CUX2: variants seen among roughly 807,000 people sequenced by gnomAD.
CUX2 encodes homeobox protein cut-like 2.
CUX2 carries 40 observed loss-of-function variants against 144.8 expected under a neutral mutation model. That is an observed-to-expected ratio of 0.28 (90% CI 0.21 to 0.36). CUX2 has a LOEUF of 0.36. Ranked by LOEUF, CUX2 falls within the 10% of genes least tolerant of loss-of-function variation. CUX2 has a pLI of 1.00. For synonymous variants in CUX2, 827 were observed against 875.6 expected (o/e 0.94, Z 0.98); for missense variants, 1,615 against 1,994.0 (o/e 0.81, Z 3.62).
chr12:111,321,678 T>TC (rs1452875610), intron 17 of CUX2, among the ~76,000 whole-genome samples: 17 of 151,674 alleles, frequency 1.1e-4, no homozygotes, highest in Middle Eastern at 6.8e-3. Flanking sequence ...CAAGACCTCA[T>TC]CCCCCCAAAA....
intron 14 of CUX2, 108 bp from the exon 15 acceptor site, chr12:111,309,933 G>T: frequency 1.0e-6 from 1 of 981,764 alleles, no homozygotes; most frequent in Non-Finnish European, 1.3e-6. Context: ...CTTTCTCGTT[G>T]TCTCTCTCTG....
intron 1 of CUX2, among the ~76,000 whole-genome samples, chr12:111,107,869 T>C (rs764268327): frequency 1.3e-5 from 2 of 152,176 alleles, no homozygotes; most frequent in African/African-American, 2.4e-5. Flanking sequence ...ATTCCCTGAA[T>C]GCTGACATCC....
chr12:111,053,876 T>A (rs1870395294), intron 1 of CUX2, among the ~76,000 whole-genome samples: 1 of 152,136 alleles, frequency 6.6e-6, no homozygotes, highest in African/African-American at 2.4e-5. Flanking sequence ...AACTCAGAGC[T>A]GGGCGCAGTG....
chr12:111,181,849 C>T (rs1879197738), intron 1 of CUX2, among the ~76,000 whole-genome samples: 1 of 152,218 alleles, frequency 6.6e-6, no homozygotes, highest in Non-Finnish European at 1.5e-5. Flanking sequence ...AAACTATCTG[C>T]ATCCTCACTC....
At chr12:111,140,988 A>G (rs1269691631) in intron 1 of CUX2, among the ~76,000 whole-genome samples, 1 of 152,072 alleles carries the variant, frequency 6.6e-6, no homozygotes, top group Non-Finnish European at 1.5e-5. Flanking sequence ...GATTGAGAGG[A>G]GATGGCACGT....
chr12:111,034,902 C>A lies in CUX2; in HGVS notation c.63+662C>A, dbSNP rs1592837794. ...CCAGAGCCGCCGCCGCCGGACTGGC[C>A]GCAAGCGCCGGCAGACCTCTTCTCC... On this transcript the variant is annotated intron_variant, in intron 1 of 21. Coordinates refer to ENST00000261726, the MANE Select transcript of CUX2 (RefSeq NM_015267.4). The surrounding 1 kb of genome is among the most constrained non-coding windows in gnomAD (Gnocchi z 4.2). Among the ~76,000 whole-genome samples the A allele has an allele frequency of 6.6e-6, 1 of 151,074 alleles. No individual in the cohort carries two copies.
chr12:111,324,065 T>C (rs963013446), intron 18 of CUX2, among the ~76,000 whole-genome samples: 1 of 151,516 alleles, frequency 6.6e-6, no homozygotes, highest in South Asian at 2.1e-4. Flanking sequence ...AAATGAAATG[T>C]ATAGGCCGGG....
chr12:111,330,263 T>C (rs953440453), intron 18 of CUX2, among the ~76,000 whole-genome samples: 1 of 152,086 alleles, frequency 6.6e-6, no homozygotes, highest in African/African-American at 2.4e-5. Flanking sequence ...TGGCTGAAAT[T>C]ACTCCATAGG....
intron 1 of CUX2, among the ~76,000 whole-genome samples, chr12:111,036,643 G>A (rs1322013002): frequency 6.6e-6 from 1 of 151,156 alleles, no homozygotes; most frequent in Non-Finnish European, 1.5e-5. Context: ...GGGGGGGGTT[G>A]TTCGTTAAAA....
chr12:111,315,830 G>A (rs1887158353), intron 16 of CUX2, among the ~76,000 whole-genome samples: 1 of 151,900 alleles, frequency 6.6e-6, no homozygotes, highest in Admixed American at 6.6e-5. Flanking sequence ...GACTAGCCTG[G>A]GCAACATACC....
At chr12:111,177,472 C>T (rs540976501) in intron 1 of CUX2, among the ~76,000 whole-genome samples, 124 of 152,270 alleles carry the variant, frequency 8.1e-4, no homozygotes, top group Middle Eastern at 6.8e-3. Context: ...CTCACTGCAG[C>T]CTCTACCTTC....
chr12:111,045,983 G>GCTCCA (rs1869977044), intron 1 of CUX2, among the ~76,000 whole-genome samples: 1 of 152,194 alleles, frequency 6.6e-6, no homozygotes, highest in Admixed American at 6.5e-5. Flanking sequence ...GCTCAGTGGT[G>GCTCCA]CCCAAATCTG....
chr12:111,100,202 T>G (rs986246188), intron 1 of CUX2: 18 of 377,200 alleles, frequency 4.8e-5, no homozygotes, highest in Non-Finnish European at 8.9e-5. Context: ...TGTGTGTGTG[T>G]ATGTGTGTGT....
chr12:111,098,069 C>T (rs1348508582), intron 1 of CUX2, among the ~76,000 whole-genome samples: 1 of 152,160 alleles, frequency 6.6e-6, no homozygotes, highest in East Asian at 1.9e-4. Context: ...GCAAAGAAGT[C>T]TCAGGCCACC....
intron 5 of CUX2, among the ~76,000 whole-genome samples, chr12:111,292,951 C>T (rs1885768678): frequency 6.6e-6 from 1 of 152,048 alleles, no homozygotes. Context: ...GGTAAAACCC[C>T]ATCTCTACTA....
chr12:111,177,263 AG>A (rs769861563), intron 1 of CUX2, among the ~76,000 whole-genome samples: 12 of 152,318 alleles, frequency 7.9e-5, no homozygotes, highest in Non-Finnish European at 7.3e-5. Flanking sequence ...AGACCCCAAA[AG>A]CAAACATCAT....
chr12:111,034,208 T>C lies in CUX2; in HGVS notation c.31T>C (p.Tyr11His). 7.2e-7 allele frequency: 1 copy of C among 1,396,878 alleles called. No individual in the cohort carries two copies. The highest frequency in any genetic ancestry group is 9.6e-7 in the Non-Finnish European group (1 of 1,046,014). 86.5% of individuals were successfully genotyped at this position (1,396,878 alleles called of 1,614,324 possible). A position where few individuals can be genotyped will look rare whatever the true frequency, so the allele number is the denominator to read the frequency against. Residue 11 changes from tyrosine to histidine, a missense_variant, in exon 1 of 22, where the codon TAT (tyrosine) becomes CAT (histidine). Tyr to His is a moderately conservative substitution (Grantham distance 83). Around this residue, in one of 12 missense-constraint regions of CUX2, gnomAD observed 64 missense variants for 64.9 expected, o/e 0.99. Transcript: ENST00000261726. The surrounding 1 kb of genome is among the most constrained non-coding windows in gnomAD (Gnocchi z 4.2). The part of the protein sequence containing the change: MAANVGSMFQ[Y>H]WKRFDLRRLQ... ...CGCCAATGTGGGATCGATGTTTCAA[T>C]ATTGGAAGCGATTTGATCTACGGCG...
At chr12:111,216,881 G>A (rs566894983) in intron 2 of CUX2, among the ~76,000 whole-genome samples, 1 of 152,268 alleles carries the variant, frequency 6.6e-6, no homozygotes, top group African/African-American at 2.4e-5. Flanking sequence ...TTCTTTACCT[G>A]CCCATAAGTC....
At chr12:111,088,686 A>C (rs1234013456) in intron 1 of CUX2, among the ~76,000 whole-genome samples, 1 of 152,230 alleles carries the variant, frequency 6.6e-6, no homozygotes, top group Admixed American at 6.5e-5. Flanking sequence ...GAAGACAGAC[A>C]GCTGGCAAAT....
Sources: gnomAD v4.1 joint callset for allele counts (sites outside exome capture counted in the v4.1 genomes callset) on GRCh38, gnomAD v4.1.1 for gene constraint, gnomAD v4.1.1 regional missense constraint, Gnocchi (gnomAD v3.1) non-coding constraint, MANE v1.5 for transcripts, NCBI Gene and HGNC (gene_info 2026-07-23, HGNC 2026-07-21) for gene names.